NRG1: variants seen among roughly 807,000 people sequenced by gnomAD.
The protein encoded by NRG1 is neuregulin 1.
A neutral mutation model predicts 63.8 loss-of-function variants in NRG1; 18 were observed. The ratio of observed to expected loss-of-function variants is 0.28; its 90% confidence interval spans 0.19 to 0.42. NRG1 has a LOEUF of 0.42. Among genes scored for constraint, NRG1 ranks in the 10% least tolerant of loss-of-function variants. The pLI, the probability that NRG1 is intolerant of heterozygous loss-of-function variation, is 1.00. For missense variants in NRG1, 762 were observed against 814.7 expected (o/e 0.94, Z 0.79); for synonymous variants, 302 against 301.3 (o/e 1.00, Z -0.02).
Position 31,880,411 on chromosome 8 carries a change from G to T in NRG1, c.37+240980G>T, listed in dbSNP as rs866935505. Reference sequence around the variant, plus strand: ...GACCATGAATTAACATTATATTTCCGCTTACCAGCCGTGTGATTTTAGCTT... The same window carrying T: ...GACCATGAATTAACATTATATTTCCTCTTACCAGCCGTGTGATTTTAGCTT... On this transcript the variant is annotated intron_variant, in intron 1 of 10. Transcript: ENST00000519301. Among the ~76,000 whole-genome samples the T allele has an allele frequency of 5.9e-5, 9 of 152,006 alleles. No homozygotes were observed. In the East Asian group the frequency reaches 1.7e-3, roughly 29 times the overall value.
chr8:32,159,115 A>G (rs1037962939), intron 1 of NRG1, among the ~76,000 whole-genome samples: 1 of 152,240 alleles, frequency 6.6e-6, no homozygotes, highest in Admixed American at 6.5e-5. Flanking sequence ...TAAAAATCAC[A>G]ATGGATCATC....
chr8:31,942,130 A>G (rs1435249573), intron 1 of NRG1, among the ~76,000 whole-genome samples: 3 of 152,038 alleles, frequency 2.0e-5, no homozygotes, highest in Admixed American at 2.0e-4. Context: ...ATTATCTAAC[A>G]TGAAACTATA....
intron 1 of NRG1, among the ~76,000 whole-genome samples, chr8:31,649,250 G>A (rs1275125575): frequency 1.3e-5 from 2 of 152,120 alleles, no homozygotes; most frequent in East Asian, 1.9e-4. Flanking sequence ...CATGGTGCCC[G>A]GCCTCATATG....
intron 6 of NRG1, among the ~76,000 whole-genome samples, chr8:32,730,340 C>A (rs771965881): frequency 6.6e-6 from 1 of 152,078 alleles, no homozygotes; most frequent in African/African-American, 2.4e-5. Context: ...GTAGTCCCAA[C>A]TATTCGGGAG....
chr8:32,630,736 T>C (rs1463218504), intron 5 of NRG1, among the ~76,000 whole-genome samples: 1 of 152,072 alleles, frequency 6.6e-6, no homozygotes, highest in Non-Finnish European at 1.5e-5. Flanking sequence ...TAGGTTTTTT[T>C]TTTTTTTTCA....
chr8:32,621,090 A>G (rs1588752400), intron 5 of NRG1, among the ~76,000 whole-genome samples: 1 of 152,190 alleles, frequency 6.6e-6, no homozygotes, highest in East Asian at 1.9e-4. Flanking sequence ...CCACTTGTAA[A>G]TATTAGTGAA....
chr8:32,210,745 G>A (rs1487055226), intron 1 of NRG1, among the ~76,000 whole-genome samples: 1 of 152,198 alleles, frequency 6.6e-6, no homozygotes, highest in East Asian at 1.9e-4. Context: ...ATAAGAATTA[G>A]TAAAGAGGTT....
intron 1 of NRG1, among the ~76,000 whole-genome samples, chr8:32,105,255 G>A (rs760193373): frequency 3.4e-4 from 52 of 152,186 alleles, no homozygotes; most frequent in Non-Finnish European, 6.2e-4. Flanking sequence ...GTATTAGTTC[G>A]TTTTCACGCT....
At chr8:31,943,664 G>A (rs188561258) in intron 1 of NRG1, among the ~76,000 whole-genome samples, 2 of 152,236 alleles carry the variant, frequency 1.3e-5, no homozygotes, top group African/African-American at 4.8e-5. Context: ...AGGTATACAG[G>A]TTACCTTGTT....
At chr8:32,359,991 C>G (rs1807000437) in intron 1 of NRG1, among the ~76,000 whole-genome samples, 1 of 152,192 alleles carries the variant, frequency 6.6e-6, no homozygotes, top group Non-Finnish European at 1.5e-5. Flanking sequence ...GTGGAAAGTT[C>G]TACCAGGCAT....
intron 5 of NRG1, among the ~76,000 whole-genome samples, chr8:32,643,295 AC>A (rs1852784678): frequency 6.6e-6 from 1 of 152,148 alleles, no homozygotes; most frequent in Non-Finnish European, 1.5e-5. Context: ...TGACTGCTTA[AC>A]CAATAGGATG....
intron 1 of NRG1, among the ~76,000 whole-genome samples, chr8:31,905,778 G>A (rs920999864): frequency 6.6e-6 from 1 of 152,130 alleles, no homozygotes; most frequent in Non-Finnish European, 1.5e-5. Context: ...AACAACAGCC[G>A]CCTAGTAGAC....
At chr8:32,762,728 A>G (rs763328412) in intron 11 of NRG1, among the ~76,000 whole-genome samples, 39 of 152,212 alleles carry the variant, frequency 2.6e-4, no homozygotes, top group Non-Finnish European at 5.7e-4. Context: ...AGAGTCATTT[A>G]GTGTTGTGCG....
intron 1 of NRG1, among the ~76,000 whole-genome samples, chr8:32,327,866 A>C (rs1402808125): frequency 6.6e-6 from 1 of 152,214 alleles, no homozygotes. Context: ...TAATGTTGCA[A>C]GCACTGCTTC....
chr8:32,077,275 G>A (rs775330827), intron 1 of NRG1, among the ~76,000 whole-genome samples: 2 of 152,280 alleles, frequency 1.3e-5, no homozygotes, highest in East Asian at 3.9e-4. Flanking sequence ...ACTGAGGCAG[G>A]AGAATCGCTG....
intron 1 of NRG1, among the ~76,000 whole-genome samples, chr8:31,652,359 C>T (rs960578649): frequency 6.6e-6 from 1 of 152,180 alleles, no homozygotes; most frequent in Non-Finnish European, 1.5e-5. Flanking sequence ...CATCCATTTT[C>T]TATACTGTTG....
intron 1 of NRG1, among the ~76,000 whole-genome samples, chr8:32,540,191 G>C (rs1832436809): frequency 6.6e-6 from 1 of 152,154 alleles, no homozygotes; most frequent in Admixed American, 6.6e-5. Flanking sequence ...CAGGATAAAG[G>C]AAGGAGAGTA....
intron 1 of NRG1, among the ~76,000 whole-genome samples, chr8:32,277,179 C>T (rs1340634095): frequency 1.3e-5 from 2 of 152,202 alleles, no homozygotes; most frequent in Non-Finnish European, 2.9e-5. Context: ...ATGTTTTTAT[C>T]TACCTCCCAA....
intron 1 of NRG1, among the ~76,000 whole-genome samples, chr8:31,693,253 AT>A (rs752608663): frequency 4.5e-4 from 68 of 152,196 alleles, no homozygotes; most frequent in Admixed American, 1.8e-3. Context: ...GCAGTCCTTG[AT>A]TTACGATAAG....
Sources: allele counts gnomAD v4.1 joint callset (sites outside exome capture counted in the v4.1 genomes callset), GRCh38; gene constraint gnomAD v4.1.1; transcripts MANE v1.5; gene names NCBI Gene and HGNC (gene_info 2026-07-23, HGNC 2026-07-21).